IL1RAPL2: variants seen among roughly 807,000 people sequenced by gnomAD.
IL1RAPL2 encodes interleukin 1 receptor accessory protein like 2.
A neutral mutation model predicts 44.1 loss-of-function variants in IL1RAPL2; 3 were observed. The observed-to-expected ratio is 0.07, with a 90% CI of 0.03 to 0.18. The LOEUF (loss-of-function observed/expected upper bound fraction) is 0.18. Among genes scored for constraint, IL1RAPL2 ranks in the 10% least tolerant of loss-of-function variants. IL1RAPL2 has a pLI of 1.00. For synonymous variants in IL1RAPL2, 181 were observed against 178.8 expected, an observed-to-expected ratio of 1.01 and a Z score of -0.10; for missense variants, 391 against 496.4, an observed-to-expected ratio of 0.79 and a Z score of 2.02.
At chrX:104,921,885 C>T (rs1034811857) in intron 2 of IL1RAPL2, among the ~76,000 whole-genome samples, 6 of 112,104 alleles carry the variant, frequency 5.4e-5, no homozygotes, top group Non-Finnish European at 7.5e-5. Context: ...CTCCCAAGTC[C>T]AGGGTGCAGC....
intron 6 of IL1RAPL2, among the ~76,000 whole-genome samples, chrX:105,656,115 C>T (rs2037675646): frequency 8.9e-6 from 1 of 111,789 alleles, no homozygotes; most frequent in Admixed American, 9.5e-5. Context: ...CCCAACCCCC[C>T]ACTACTATTC....
intron 1 of IL1RAPL2, among the ~76,000 whole-genome samples, chrX:104,631,946 G>A (rs1377300755): frequency 9.1e-6 from 1 of 110,274 alleles, no homozygotes. Context: ...TATTGCCTAG[G>A]TTTTCTTCTA....
chrX:105,459,373 A>G (rs1009390748), intron 5 of IL1RAPL2, among the ~76,000 whole-genome samples: 1 of 111,407 alleles, frequency 9.0e-6, no homozygotes, highest in African/African-American at 3.3e-5. Context: ...GTGTTCATCT[A>G]CTTTGACTGT....
chrX:104,892,109 A>G (rs1472229219), intron 2 of IL1RAPL2, among the ~76,000 whole-genome samples: 2 of 111,296 alleles, frequency 1.8e-5, no homozygotes, highest in Non-Finnish European at 3.8e-5. Context: ...ATTGATTTGC[A>G]TATGTTGAAC....
chrX:104,828,616 C>T (rs1602747054), intron 2 of IL1RAPL2, among the ~76,000 whole-genome samples: 1 of 111,956 alleles, frequency 8.9e-6, no homozygotes, highest in Non-Finnish European at 1.9e-5. Context: ...CAGGGACCCA[C>T]TTGAGGAGGC....
At chrX:105,762,606 T>C (rs932955722) in intron 10 of IL1RAPL2, among the ~76,000 whole-genome samples, 1 of 112,404 alleles carries the variant, frequency 8.9e-6, no homozygotes, top group Non-Finnish European at 1.9e-5. Context: ...CTTTGTTTCA[T>C]GTCTGATAAT....
At chrX:104,717,830 C>T (rs1439575319) in intron 2 of IL1RAPL2, among the ~76,000 whole-genome samples, 2 of 108,804 alleles carry the variant, frequency 1.8e-5, no homozygotes, top group African/African-American at 6.7e-5. Context: ...TGTTCAATTC[C>T]CACCTATGAG....
At chrX:105,034,726 T>C (rs1229256620) in intron 2 of IL1RAPL2, among the ~76,000 whole-genome samples, 2 of 112,162 alleles carry the variant, frequency 1.8e-5, no homozygotes, top group Non-Finnish European at 3.8e-5. Context: ...TGTTCTCAGA[T>C]CTCCAGCTGC....
chrX:105,606,865 A>G (rs771915843), intron 6 of IL1RAPL2, among the ~76,000 whole-genome samples: 33 of 111,421 alleles, frequency 3.0e-4, no homozygotes, highest in Admixed American at 6.7e-4. Flanking sequence ...ACAAGTAGAG[A>G]GTAGAATAGT....
At chrX:104,943,893 A>G (rs1242648214) in intron 2 of IL1RAPL2, among the ~76,000 whole-genome samples, 3 of 112,346 alleles carry the variant, frequency 2.7e-5, no homozygotes, top group Non-Finnish European at 5.6e-5. Context: ...AATTAAGACC[A>G]GCACATAGCA....
chrX:104,831,666 G>T (rs1226612497), intron 2 of IL1RAPL2, among the ~76,000 whole-genome samples: 2 of 111,619 alleles, frequency 1.8e-5, no homozygotes, highest in African/African-American at 6.5e-5. Context: ...TAAATATTAT[G>T]CATTTATTCT....
intron 6 of IL1RAPL2, among the ~76,000 whole-genome samples, chrX:105,645,935 C>G: frequency 9.0e-6 from 1 of 111,728 alleles, no homozygotes; most frequent in East Asian, 2.8e-4. Flanking sequence ...TTTATTCTCT[C>G]TCCCCTTGTG....
chrX:105,408,362 G>T (rs988700262), intron 5 of IL1RAPL2, among the ~76,000 whole-genome samples: 3 of 111,133 alleles, frequency 2.7e-5, no homozygotes, highest in Non-Finnish European at 5.7e-5. Context: ...TACCCCAAGA[G>T]CAGGGATATT....
chrX:104,652,777 T>A (rs1168983714), intron 1 of IL1RAPL2, among the ~76,000 whole-genome samples: 3 of 111,829 alleles, frequency 2.7e-5, no homozygotes, highest in African/African-American at 9.7e-5. Context: ...TTTCAGATAT[T>A]AGGAGAGTCT....
At chrX:105,441,299 A>G (rs1239535143) in intron 5 of IL1RAPL2, among the ~76,000 whole-genome samples, 2 of 111,893 alleles carry the variant, frequency 1.8e-5, no homozygotes, top group African/African-American at 6.5e-5. Context: ...GCAGAATAAT[A>G]GTTTATGCTC....
intron 3 of IL1RAPL2, among the ~76,000 whole-genome samples, chrX:105,213,662 A>G (rs1408354132): frequency 1.8e-5 from 2 of 110,950 alleles, no homozygotes; most frequent in African/African-American, 6.6e-5. Flanking sequence ...GAGTAACCAC[A>G]AGACACATAA....
chrX:104,734,452 A>G (rs1380882371), intron 2 of IL1RAPL2, among the ~76,000 whole-genome samples: 2 of 112,897 alleles, frequency 1.8e-5, no homozygotes, highest in African/African-American at 6.4e-5. Flanking sequence ...ACATAGTGGG[A>G]CACTATTCAG....
At chrX:105,124,159 C>T (rs188225655) in intron 2 of IL1RAPL2, among the ~76,000 whole-genome samples, 1 of 111,419 alleles carries the variant, frequency 9.0e-6, no homozygotes, top group Admixed American at 9.5e-5. Flanking sequence ...CCTCCTTGTA[C>T]TACATAGCCT....
intron 2 of IL1RAPL2, among the ~76,000 whole-genome samples, chrX:104,919,443 T>C (rs1316949809): frequency 9.2e-6 from 1 of 109,151 alleles, no homozygotes; most frequent in African/African-American, 3.3e-5. Context: ...CAGGCTGGTC[T>C]CAAACTCCTG....
Sources: gnomAD v4.1 joint callset for allele counts (sites outside exome capture counted in the v4.1 genomes callset) on GRCh38, gnomAD v4.1.1 for gene constraint, MANE v1.5 for transcripts, NCBI Gene and HGNC (gene_info 2026-07-23, HGNC 2026-07-21) for gene names.